Variants in KCNK2 observed in about 807,000 individuals in gnomAD.
KCNK2 encodes potassium channel subfamily K member 2.
A neutral mutation model predicts 40.5 loss-of-function variants in KCNK2; 21 were observed. That is an observed-to-expected ratio of 0.52 (90% CI 0.37 to 0.75). The LOEUF (loss-of-function observed/expected upper bound fraction) is 0.75. KCNK2 is among the 30% of genes least tolerant of loss of function. The pLI is 0.00. For synonymous variants in KCNK2, 191 were observed against 202.2 expected, an observed-to-expected ratio of 0.94 and a Z score of 0.47; for missense variants, 399 against 531.6, an observed-to-expected ratio of 0.75 and a Z score of 2.45.
At chr1:215,070,814 A>C (rs1658731106) in intron 1 of KCNK2, among the ~76,000 whole-genome samples, 1 of 152,194 alleles carries the variant, frequency 6.6e-6, no homozygotes, top group African/African-American at 2.4e-5. Flanking sequence ...ACATACAGAC[A>C]AAAAGACTCA....
At chr1:215,029,877 CCT>C (rs1657125842) in intron 1 of KCNK2, among the ~76,000 whole-genome samples, 1 of 152,008 alleles carries the variant, frequency 6.6e-6, no homozygotes. Flanking sequence ...CCTCTATAAA[CCT>C]CTGTGTAGGT....
chr1:215,105,312 T>A (rs1056502152), intron 2 of KCNK2, among the ~76,000 whole-genome samples: 1 of 152,128 alleles, frequency 6.6e-6, no homozygotes, highest in Non-Finnish European at 1.5e-5. Flanking sequence ...AGATACCTCA[T>A]ATAAGTGGGA....
At chr1:215,212,468 G>A (rs1269359738) in intron 6 of KCNK2, among the ~76,000 whole-genome samples, 1 of 152,106 alleles carries the variant, frequency 6.6e-6, no homozygotes, top group Non-Finnish European at 1.5e-5. Context: ...GAAAAATGCA[G>A]GCAGGAAGGG....
intron 1 of KCNK2, among the ~76,000 whole-genome samples, chr1:215,023,478 ATTAAAGCAG>A (rs1656885359): frequency 6.6e-6 from 1 of 152,244 alleles, no homozygotes; most frequent in African/African-American, 2.4e-5. Flanking sequence ...ATTGAATTAC[ATTAAAGCAG>A]TTACAGCATG....
At chr1:215,005,828 T>A, upstream of KCNK2, 1 of 1,111,624 alleles carries the variant, frequency 9.0e-7, no homozygotes, top group East Asian at 2.4e-5. Context: ...TTAGTACAAG[T>A]GACTCTGTTT....
intron 3 of KCNK2, among the ~76,000 whole-genome samples, chr1:215,165,688 T>A (rs192608694): frequency 1.4e-4 from 21 of 152,264 alleles, no homozygotes; most frequent in African/African-American, 5.1e-4. Context: ...TTTTAACAGA[T>A]GAGGAAATAA....
At chr1:215,187,867 A>G (rs1035097076) in intron 5 of KCNK2, among the ~76,000 whole-genome samples, 4 of 151,116 alleles carry the variant, frequency 2.6e-5, no homozygotes, top group Non-Finnish European at 5.9e-5. Context: ...AAAAAAAAAA[A>G]GAGGAAAGAA....
chr1:215,061,972 T>C (rs1658376435), intron 1 of KCNK2, among the ~76,000 whole-genome samples: 1 of 152,096 alleles, frequency 6.6e-6, no homozygotes. Context: ...GATTGATTAA[T>C]TAAACACAGC....
intron 6 of KCNK2, 22 bp downstream of exon 6, chr1:215,195,114 A>G (rs761944367): frequency 5.1e-6 from 8 of 1,553,686 alleles, no homozygotes; most frequent in Non-Finnish European, 3.5e-6. Context: ...GAAGTGTGCA[A>G]AAAACTTCTA....
intron 1 of KCNK2, among the ~76,000 whole-genome samples, chr1:215,041,807 G>C (rs1189486236): frequency 3.2e-4 from 48 of 152,124 alleles, no homozygotes; most frequent in Non-Finnish European, 5.9e-5. Context: ...TTTTGTCATA[G>C]ACCATCAGGT....
intron 1 of KCNK2, among the ~76,000 whole-genome samples, chr1:215,014,806 A>C (rs1656529723): frequency 6.6e-6 from 1 of 152,176 alleles, no homozygotes; most frequent in African/African-American, 2.4e-5. Context: ...CCTGAGCAGC[A>C]TAATAGGTAA....
intron 2 of KCNK2, among the ~76,000 whole-genome samples, chr1:215,122,167 C>A (rs1372301891): frequency 6.6e-6 from 1 of 152,024 alleles, no homozygotes; most frequent in East Asian, 1.9e-4. Context: ...GAACTCAATA[C>A]ATAGAGATTC....
intron 3 of KCNK2, among the ~76,000 whole-genome samples, chr1:215,161,091 C>T (rs1663173343): frequency 6.6e-6 from 1 of 152,146 alleles, no homozygotes; most frequent in Non-Finnish European, 1.5e-5. Context: ...ACATCTTCCT[C>T]TTTATAGCCG....
At chr1:215,121,406 C>T (rs920688306) in intron 2 of KCNK2, among the ~76,000 whole-genome samples, 15 of 152,076 alleles carry the variant, frequency 9.9e-5, no homozygotes, top group Admixed American at 9.8e-4. Flanking sequence ...CTCAGCCTCC[C>T]TAGTAGCTGG....
Position 215,083,216 on chromosome 1 carries a change from G to T in KCNK2, c.-170G>T. On this transcript the variant is annotated 5_prime_UTR_variant, in exon 1 of 7. Transcript: ENST00000444842. ...CGCTCCCCCCCCCGCCCCCTCCCGCGTCCAGCCCCGCTCTCCCCACCTTGT... is the reference window on the plus strand; with the variant it reads ...CGCTCCCCCCCCCGCCCCCTCCCGCTTCCAGCCCCGCTCTCCCCACCTTGT... 14 of 449,692 alleles carry T rather than the reference G, an allele frequency of 3.1e-5. No individual in the cohort carries two copies. The highest frequency in any genetic ancestry group is 1.1e-4 in the South Asian group (4 of 35,328). 27.9% of individuals were successfully genotyped at this position (449,692 alleles called of 1,614,324 possible).
chr1:215,210,840 G>T (rs1212879096), intron 6 of KCNK2, among the ~76,000 whole-genome samples: 1 of 112,714 alleles, frequency 8.9e-6, no homozygotes, highest in Non-Finnish European at 1.9e-5. Flanking sequence ...CATAAAGAAG[G>T]TACTACCCCG....
intron 3 of KCNK2, among the ~76,000 whole-genome samples, chr1:215,144,682 A>G (rs1469974782): frequency 6.6e-6 from 1 of 152,004 alleles, no homozygotes; most frequent in Non-Finnish European, 1.5e-5. Context: ...GGCTGTGTCT[A>G]TGCTTACATT....
chr1:215,018,677 TGGACAGGAGAGGGGGTCA>T (rs1047905114), intron 1 of KCNK2, among the ~76,000 whole-genome samples: 4 of 151,956 alleles, frequency 2.6e-5, no homozygotes, highest in African/African-American at 9.7e-5. Flanking sequence ...GACAAGTGAG[TGGACAGGAGAGGGGGTCA>T]AAATGAGGTT....
intron 1 of KCNK2, among the ~76,000 whole-genome samples, chr1:215,064,470 C>T (rs897675690): frequency 3.3e-5 from 5 of 152,138 alleles, no homozygotes; most frequent in African/African-American, 9.7e-5. Flanking sequence ...GACTGCATCA[C>T]CTCGGTGATG....
Sources: gnomAD v4.1 joint callset for allele counts (sites outside exome capture counted in the v4.1 genomes callset) on GRCh38, gnomAD v4.1.1 for gene constraint, MANE v1.5 for transcripts, NCBI Gene and HGNC (gene_info 2026-07-23, HGNC 2026-07-21) for gene names.